Variants in PTPRE observed in about 807,000 individuals in gnomAD.
PTPRE encodes the protein receptor-type tyrosine-protein phosphatase epsilon.
Under a neutral mutation model 102.0 loss-of-function variants are expected in PTPRE, and 51 were observed. That is an observed-to-expected ratio of 0.50 (90% CI 0.40 to 0.63). PTPRE has a LOEUF of 0.63. Among genes scored for constraint, PTPRE ranks in the 30% least tolerant of loss-of-function variants. The probability of loss-of-function intolerance (pLI) is 0.00; values close to 1 mark genes in which losing one functional copy is unlikely to be tolerated. For missense variants in PTPRE, 752 were observed against 915.1 expected (o/e 0.82, Z 2.30); for synonymous variants, 345 against 348.2 (o/e 0.99, Z 0.10).
chr10:128,081,538 A>G (rs889196181), intron 20 of PTPRE, among the ~76,000 whole-genome samples: 13 of 152,202 alleles, frequency 8.5e-5, no homozygotes, highest in South Asian at 8.3e-4. Context: ...GATCGTCTCC[A>G]TTTCCATCCC....
chr10:127,958,603 TG>T (rs1164075537), intron 1 of PTPRE, among the ~76,000 whole-genome samples: 1 of 152,216 alleles, frequency 6.6e-6, no homozygotes, highest in Non-Finnish European at 1.5e-5. Context: ...GCTAATATTT[TG>T]TTGAAGATTA....
At chr10:127,919,423 G>A (rs1453789588) in intron 1 of PTPRE, among the ~76,000 whole-genome samples, 1 of 152,222 alleles carries the variant, frequency 6.6e-6, no homozygotes. Context: ...TGAGGAAAGG[G>A]AGACTTGCCC....
chr10:127,988,331 A>T (rs1852293005), intron 2 of PTPRE, among the ~76,000 whole-genome samples: 1 of 127,128 alleles, frequency 7.9e-6, no homozygotes. Flanking sequence ...TTTGAGACTG[A>T]ATCTTGCTCT....
intron 9 of PTPRE, 36 bp from the exon 10 acceptor site, chr10:128,063,047 A>G: frequency 6.2e-7 from 1 of 1,612,946 alleles, no homozygotes; most frequent in Non-Finnish European, 8.5e-7. Context: ...ACTTCCCTTC[A>G]TGCCTTTTGA....
intron 1 of PTPRE, among the ~76,000 whole-genome samples, chr10:127,946,373 A>C (rs7906030): frequency 0.26 from 35,817 of 138,268 alleles, 6,525 homozygotes; most frequent in African/African-American, 0.35. Context: ...ATTTTGGGGC[A>C]AATAAGTAAG....
At chr10:127,985,419 C>T (rs1427932769) in intron 2 of PTPRE, among the ~76,000 whole-genome samples, 1 of 152,046 alleles carries the variant, frequency 6.6e-6, no homozygotes, top group African/African-American at 2.4e-5. Context: ...CCCGTCTCTA[C>T]TAAAAATACA....
chr10:128,010,344 A>C (rs546402850), intron 2 of PTPRE, among the ~76,000 whole-genome samples: 2 of 152,340 alleles, frequency 1.3e-5, no homozygotes, highest in East Asian at 3.9e-4. Context: ...ACAGCAGAGA[A>C]TAGCTTGGCT....
chr10:127,980,193 T>G (rs553478127), intron 1 of PTPRE, among the ~76,000 whole-genome samples: 3 of 152,354 alleles, frequency 2.0e-5, no homozygotes, highest in African/African-American at 7.2e-5. Flanking sequence ...TGGGTTCCAC[T>G]GCACCCTGGA....
At chr10:128,065,939 C>T (rs780624249) in intron 10 of PTPRE, 136 bp from the exon 11 acceptor site, 22 of 1,304,102 alleles carry the variant, frequency 1.7e-5, no homozygotes, top group Admixed American at 1.7e-5. Context: ...GGTCGACACA[C>T]GTGAACTTGT....
chr10:128,056,938 G>A (rs1005216316), intron 7 of PTPRE, among the ~76,000 whole-genome samples: 9 of 152,070 alleles, frequency 5.9e-5, no homozygotes, highest in South Asian at 4.1e-4. Flanking sequence ...GGCCCGGGCC[G>A]GGTGCTGTGG....
At chr10:127,993,557 G>T (rs1247037619) in intron 2 of PTPRE, among the ~76,000 whole-genome samples, 5 of 152,056 alleles carry the variant, frequency 3.3e-5, no homozygotes, top group African/African-American at 1.2e-4. Flanking sequence ...AGGAACCTGC[G>T]TTGCTGATGG....
intron 1 of PTPRE, among the ~76,000 whole-genome samples, chr10:127,917,780 A>G (rs977043727): frequency 2.8e-4 from 42 of 152,198 alleles, no homozygotes; most frequent in African/African-American, 8.0e-4. Flanking sequence ...CTGTAATCCC[A>G]GCATTTTGTG....
chr10:127,930,460 A>C (rs1847347519), intron 1 of PTPRE, among the ~76,000 whole-genome samples: 1 of 152,228 alleles, frequency 6.6e-6, no homozygotes, highest in Admixed American at 6.5e-5. Context: ...ATTCCATTTT[A>C]TGGCTGAGTA....
rs139925346 is a variant in PTPRE, at chr10:128,043,206, A to T, written c.109+2216A>T. ...TGTACTTTATTTCTATTATGATTAC[A>T]TTGTAACATATAATGAAATAATTAT... On this transcript the variant is annotated intron_variant, in intron 3 of 20. Coordinates refer to ENST00000254667, the MANE Select transcript of PTPRE (RefSeq NM_006504.6). 1.8e-3 allele frequency among the ~76,000 whole-genome samples: 279 copies of T among 152,326 alleles called. 1 individual carries two copies. The highest frequency in any genetic ancestry group is 0.01 in the Middle Eastern group (3 of 294).
intron 2 of PTPRE, among the ~76,000 whole-genome samples, chr10:128,020,570 A>G (rs1049476694): frequency 5.9e-5 from 9 of 152,222 alleles, no homozygotes; most frequent in Non-Finnish European, 7.3e-5. Flanking sequence ...TATATTTTTT[A>G]AAAAGAAAAG....
rs375777595 is a variant in PTPRE, at chr10:127,996,092, T to C, written c.-8+13796T>C. Among the ~76,000 whole-genome samples the C allele has an allele frequency of 3.3e-5, 5 of 152,302 alleles. No homozygotes were observed. In the South Asian group the frequency reaches 6.2e-4, roughly 19 times the overall value. The stretch of plus-strand genomic sequence containing the variant: ...GTGTGATTCACTTTTCATTTCAGGA[T>C]GATGTTGAGTCCTCTGTGTTATTCC... On this transcript the variant is annotated intron_variant, in intron 2 of 20. Coordinates refer to ENST00000254667, the MANE Select transcript of PTPRE (RefSeq NM_006504.6).
At chr10:127,932,952 C>T (rs575824133) in intron 1 of PTPRE, among the ~76,000 whole-genome samples, 11 of 152,312 alleles carry the variant, frequency 7.2e-5, no homozygotes, top group African/African-American at 2.4e-4. Context: ...GAGGCTGTCC[C>T]GATGCTTTAG....
At chr10:128,067,201 T>A (rs148569179) in intron 11 of PTPRE, among the ~76,000 whole-genome samples, 1 of 94,356 alleles carries the variant, frequency 1.1e-5, no homozygotes, top group Non-Finnish European at 2.2e-5. Context: ...TGCACACACA[T>A]ACACCCACAC....
chr10:128,077,666 T>G lies in PTPRE; in HGVS notation c.1775T>G (p.Phe592Cys). Residue 592 changes from phenylalanine (F) to cysteine (C), a missense_variant, in exon 19 of 21, where the codon TTC becomes TGC. This residue lies in a region of PTPRE where 636 missense variants were observed against 824.4 expected (regional missense o/e 0.77). Coordinates refer to ENST00000254667, the MANE Select transcript of PTPRE (RefSeq NM_006504.6). ...EQVRVVRQFHFHGWPEIGIPA... is the reference protein window; with the variant it reads ...EQVRVVRQFHCHGWPEIGIPA... ...GTCCGAGTAGTGCGCCAGTTTCACT[T>G]CCACGGCTGGCCTGAGATCGGGATT... The G allele has an allele frequency of 6.2e-7, 1 of 1,613,614 alleles. No homozygotes were observed. The highest frequency in any genetic ancestry group is 8.5e-7 in the Non-Finnish European group (1 of 1,179,638).
Sources: gnomAD v4.1 joint callset for allele counts (sites outside exome capture counted in the v4.1 genomes callset) on GRCh38, gnomAD v4.1.1 for gene constraint, gnomAD v4.1.1 regional missense constraint, MANE v1.5 for transcripts, NCBI Gene and HGNC (gene_info 2026-07-23, HGNC 2026-07-21) for gene names.